The following TMEM132D variants were observed in gnomAD, a reference collection of about 807,000 sequenced individuals.
TMEM132D encodes transmembrane protein 132D, also known as mature OL transmembrane protein.
In TMEM132D, 21 loss-of-function variants were observed where a neutral mutation model predicts 62.3. The observed-to-expected ratio is 0.34, with a 90% CI of 0.24 to 0.49. TMEM132D has a LOEUF of 0.49. Ranked by LOEUF, TMEM132D falls within the 20% of genes least tolerant of loss-of-function variation. The pLI, the probability that TMEM132D is intolerant of heterozygous loss-of-function variation, is 0.99. For missense variants in TMEM132D, 1,346 were observed against 1,402.8 expected (o/e 0.96, Z 0.65); for synonymous variants, 621 against 575.6 (o/e 1.08, Z -1.13).
chr12:129,732,353 G>C (rs2137253026), intron 1 of TMEM132D, among the ~76,000 whole-genome samples: 1 of 152,290 alleles, frequency 6.6e-6, no homozygotes, highest in Non-Finnish European at 1.5e-5. Flanking sequence ...TTAGGATGGG[G>C]CTGGTCACCA....
At position 129,632,149 on chromosome 12, in the gene TMEM132D, C is replaced by T. The variant is rs376778521; in HGVS notation, c.968+67661G>A. 1.6e-3 allele frequency among the ~76,000 whole-genome samples: 248 copies of T among 152,228 alleles called. 5 individuals carry two copies. The South Asian group carries it at 0.05, about 31-fold the overall frequency. The stretch of plus-strand genomic sequence containing the variant: ...AAGACTATTAAAGGGTTTTGGAAAT[C>T]ATAATTAGGAATATAAGTTAGCACC... On this transcript the variant is annotated intron_variant, in intron 2 of 8. Transcript: ENST00000422113.
At chr12:129,357,459 G>T (rs1409317280) in intron 3 of TMEM132D, among the ~76,000 whole-genome samples, 1 of 149,408 alleles carries the variant, frequency 6.7e-6, no homozygotes, top group East Asian at 2.0e-4. Context: ...AAGCGAGCGA[G>T]CAAGCAGTAG....
At position 129,880,922 on chromosome 12, in the gene TMEM132D, A is replaced by C. The variant is rs752926690; in HGVS notation, c.79+22339T>G. Among the ~76,000 whole-genome samples, 47 of 152,180 alleles carry C rather than the reference A, an allele frequency of 3.1e-4. 2 individuals carry two copies. The highest frequency in any genetic ancestry group is 7.2e-4 in the Admixed American group (11 of 15,278). ...AATTGTTTAATCAGACCAATTAAAA[A>C]ATACAGATTGTCAGAATGAGTATAA... On this transcript the variant is annotated intron_variant, in intron 1 of 8. Transcript: ENST00000422113.
chr12:129,303,148 T>A (rs887846839), intron 4 of TMEM132D, among the ~76,000 whole-genome samples: 4 of 151,766 alleles, frequency 2.6e-5, no homozygotes, highest in Non-Finnish European at 5.9e-5. Context: ...GCCTCCACCA[T>A]CATCACTCGC....
intron 2 of TMEM132D, among the ~76,000 whole-genome samples, chr12:129,566,801 T>C (rs1160351037): frequency 6.6e-6 from 1 of 152,220 alleles, no homozygotes; most frequent in African/African-American, 2.4e-5. Flanking sequence ...CTAGGATTCA[T>C]CTGTCTAGTA....
At chr12:129,172,721 G>A (rs1438361925) in intron 5 of TMEM132D, among the ~76,000 whole-genome samples, 1 of 152,158 alleles carries the variant, frequency 6.6e-6, no homozygotes, top group Admixed American at 6.6e-5. Flanking sequence ...TGGGATTACA[G>A]GCATGCACCA....
chr12:129,207,928 C>T (rs1035513554), intron 5 of TMEM132D, among the ~76,000 whole-genome samples: 2 of 152,162 alleles, frequency 1.3e-5, no homozygotes, highest in African/African-American at 2.4e-5. Context: ...GTATTATTCT[C>T]TAGCTATTTT....
chr12:129,577,689 C>T lies in TMEM132D; in HGVS notation c.969-46484G>A, dbSNP rs565366161. Among the ~76,000 whole-genome samples the T allele has an allele frequency of 1.1e-3, 172 of 149,732 alleles. 3 individuals carry two copies. Among genetic ancestry groups the T allele is most frequent in the African/African-American group, 4.2e-3 (164 of 39,234 alleles). On this transcript the variant is annotated intron_variant, in intron 2 of 8. Transcript: ENST00000422113. ...ATTTGCAGGCCACAAGGTTCATGCGCAACTTTTTTCAATTTGTCTCAAATG... is the reference window on the plus strand; with the variant it reads ...ATTTGCAGGCCACAAGGTTCATGCGTAACTTTTTTCAATTTGTCTCAAATG...
intron 5 of TMEM132D, among the ~76,000 whole-genome samples, chr12:129,177,390 C>T (rs199814017): frequency 1.3e-5 from 2 of 152,124 alleles, no homozygotes; most frequent in East Asian, 3.9e-4. Flanking sequence ...CAGCAAATTA[C>T]ACAGTATGTC....
chr12:129,075,059 C>T lies in TMEM132D; in HGVS notation c.2116G>A (p.Glu706Lys), dbSNP rs1874207786. ...TGGACCCAGCAACTGATGGCTGCTTCCTATGGAGAAAAATATGTAAGTTAA... is the reference window on the plus strand; with the variant it reads ...TGGACCCAGCAACTGATGGCTGCTTTCTATGGAGAAAAATATGTAAGTTAA... ...AQELLQRPKQEAAISCWVQFS... is the reference protein window; with the variant it reads ...AQELLQRPKQKAAISCWVQFS... The change falls in exon 9 of 9, where the codon GAA becomes AAA. Residue 706 changes from glutamate to lysine, a missense_variant and splice_region_variant. By Grantham distance (56) the Glu-to-Lys change is moderately conservative (BLOSUM62 1). Transcript: ENST00000422113. 1 of 1,599,114 alleles carries T rather than the reference C, an allele frequency of 6.3e-7. No homozygotes were observed. The highest frequency in any genetic ancestry group is 8.5e-7 in the Non-Finnish European group (1 of 1,175,416).
At chr12:129,338,298 A>G (rs1165721568) in intron 3 of TMEM132D, among the ~76,000 whole-genome samples, 2 of 152,090 alleles carry the variant, frequency 1.3e-5, no homozygotes, top group Non-Finnish European at 2.9e-5. Flanking sequence ...ATAAGACAGA[A>G]TTGCACAGAA....
At chr12:129,758,130 C>G (rs947684335) in intron 1 of TMEM132D, among the ~76,000 whole-genome samples, 1 of 152,112 alleles carries the variant, frequency 6.6e-6, no homozygotes, top group Non-Finnish European at 1.5e-5. Flanking sequence ...GTCTCGAACT[C>G]CCGACCTCAG....
chr12:129,420,313 T>TTTTTTTG (rs1566063088), intron 3 of TMEM132D, among the ~76,000 whole-genome samples: 4 of 57,652 alleles, frequency 6.9e-5, no homozygotes, highest in African/African-American at 2.0e-4. Context: ...TCTGTTTTTT[T>TTTTTTTG]TTTTTTTTTT....
chr12:129,223,651 C>T (rs1399955483), intron 4 of TMEM132D, among the ~76,000 whole-genome samples: 2 of 152,162 alleles, frequency 1.3e-5, no homozygotes. Flanking sequence ...TGATAACCCC[C>T]GCCTCCCGCT....
chr12:129,878,862 C>A (rs1192476955), intron 1 of TMEM132D, among the ~76,000 whole-genome samples: 1 of 152,152 alleles, frequency 6.6e-6, no homozygotes. Flanking sequence ...AGCCGCTGCA[C>A]CCGGCCTACA....
At chr12:129,425,486 A>G (rs1385696870) in intron 3 of TMEM132D, among the ~76,000 whole-genome samples, 4 of 151,848 alleles carry the variant, frequency 2.6e-5, no homozygotes, top group Admixed American at 6.6e-5. Flanking sequence ...ACGTTAATTG[A>G]CATGACTGGC....
chr12:129,344,094 T>A (rs1428644046), intron 3 of TMEM132D, among the ~76,000 whole-genome samples: 1 of 152,244 alleles, frequency 6.6e-6, no homozygotes, highest in African/African-American at 2.4e-5. Context: ...TTCGGGAATG[T>A]CCTACTCTGT....
intron 1 of TMEM132D, among the ~76,000 whole-genome samples, chr12:129,884,850 T>A (rs1371462245): frequency 2.0e-5 from 3 of 152,220 alleles, no homozygotes; most frequent in African/African-American, 7.2e-5. Flanking sequence ...GTTTCATTCA[T>A]AACAACCAAT....
chr12:129,572,364 G>A (rs1877537978), intron 2 of TMEM132D, among the ~76,000 whole-genome samples: 1 of 152,266 alleles, frequency 6.6e-6, no homozygotes, highest in African/African-American at 2.4e-5. Context: ...CCCACACAGG[G>A]TCTAAGGCGG....
Sources: allele counts gnomAD v4.1 joint callset (sites outside exome capture counted in the v4.1 genomes callset), GRCh38; gene constraint gnomAD v4.1.1; transcripts MANE v1.5; gene names NCBI Gene and HGNC (gene_info 2026-07-23, HGNC 2026-07-21).